KREMEN1: variants seen among roughly 807,000 people sequenced by gnomAD.
The protein encoded by KREMEN1 is kremen protein 1.
Under a neutral mutation model 46.5 loss-of-function variants are expected in KREMEN1, and 30 were observed. That is an observed-to-expected ratio of 0.65 (90% confidence interval 0.48 to 0.88). KREMEN1 has a LOEUF of 0.88. KREMEN1 is among the 40% of genes least tolerant of loss of function. KREMEN1 has a pLI of 0.00. For missense variants in KREMEN1, 533 were observed against 596.9 expected (o/e 0.89, Z 1.11); for synonymous variants, 214 against 230.6 (o/e 0.93, Z 0.65).
intron 5 of KREMEN1, among the ~76,000 whole-genome samples, chr22:29,128,546 G>A (rs33958791): frequency 0.16 from 24,919 of 152,118 alleles, 2,212 homozygotes; most frequent in Non-Finnish European, 0.18. Context: ...AATTGTAAAT[G>A]CAGCACTATG....
At chr22:29,087,605 G>T (rs375886397) in intron 1 of KREMEN1, among the ~76,000 whole-genome samples, 7 of 148,850 alleles carry the variant, frequency 4.7e-5, no homozygotes, top group East Asian at 2.0e-4. Context: ...ACTCTTTGTT[G>T]CCCAGGCCAG....
At chr22:29,089,375 G>A (rs557721680) in intron 1 of KREMEN1, among the ~76,000 whole-genome samples, 2 of 152,228 alleles carry the variant, frequency 1.3e-5, no homozygotes, top group East Asian at 3.9e-4. Context: ...CTCAGACCCT[G>A]TATCCAAACC....
exon 10 of KREMEN1, chr22:29,167,289 G>A: frequency 1.7e-6 from 1 of 578,088 alleles, no homozygotes; most frequent in Non-Finnish European, 3.1e-6. Flanking sequence ...AGCCCAGGAG[G>A]TCGAGGCTGC....
intron 3 of KREMEN1, among the ~76,000 whole-genome samples, chr22:29,112,917 AGACTT>A (rs1348503140): frequency 6.8e-6 from 1 of 147,270 alleles, no homozygotes; most frequent in Non-Finnish European, 1.5e-5. Flanking sequence ...TTCTCCGACT[AGACTT>A]CGAGCCACAC....
chr22:29,078,104 C>T (rs2145732474), intron 1 of KREMEN1, among the ~76,000 whole-genome samples: 1 of 152,034 alleles, frequency 6.6e-6, no homozygotes, highest in South Asian at 2.1e-4. Context: ...CCTGTCTCTA[C>T]AAAAAATAAA....
In KREMEN1 at chr22:29,144,033, A is replaced by C; in HGVS notation, c.*1921A>C. On this transcript the variant is annotated 3_prime_UTR_variant, in exon 9 of 9. Transcript: ENST00000400335. Reference sequence around the variant, plus strand: ...AATTTAAAAGTCCTTGCCATCTGGAATCAGGCTTTGTCAACAGCAGCTGAG... The same window carrying C: ...AATTTAAAAGTCCTTGCCATCTGGACTCAGGCTTTGTCAACAGCAGCTGAG... 1 of 985,580 alleles carries C rather than the reference A, an allele frequency of 1.0e-6. No individual in the cohort carries two copies. 61.1% of individuals were successfully genotyped at this position (985,580 alleles called of 1,614,324 possible).
intron 1 of KREMEN1, among the ~76,000 whole-genome samples, chr22:29,075,005 G>A (rs976802607): frequency 1.4e-4 from 21 of 152,092 alleles, no homozygotes; most frequent in Non-Finnish European, 4.4e-5. Flanking sequence ...AAGAGCTTTC[G>A]GTCTGATTCA....
chr22:29,139,753 C>T (rs2038731801), intron 7 of KREMEN1, among the ~76,000 whole-genome samples: 1 of 152,172 alleles, frequency 6.6e-6, no homozygotes, highest in Admixed American at 6.5e-5. Context: ...GCTGGTAGAA[C>T]TGGAAAGTAT....
chr22:29,086,519 G>A (rs1162015354), intron 1 of KREMEN1, among the ~76,000 whole-genome samples: 1 of 152,188 alleles, frequency 6.6e-6, no homozygotes, highest in Admixed American at 6.5e-5. Flanking sequence ...CAGTGGTGTT[G>A]GGTTGGAAAA....
At chr22:29,152,880 T>C (rs941889514) in intron 9 of KREMEN1, among the ~76,000 whole-genome samples, 1 of 152,216 alleles carries the variant, frequency 6.6e-6, no homozygotes, top group African/African-American at 2.4e-5. Context: ...AAAGCAAGTC[T>C]ATTAAGAAAG....
intron 2 of KREMEN1, 45 bp downstream of exon 2, chr22:29,094,465 T>C (rs2037849415): frequency 6.5e-7 from 1 of 1,531,188 alleles, no homozygotes; most frequent in Non-Finnish European, 8.9e-7. Flanking sequence ...GATATATATC[T>C]AGTCTCTTCT....
chr22:29,148,837 C>A (rs2038893382), downstream of KREMEN1, among the ~76,000 whole-genome samples: 1 of 152,092 alleles, frequency 6.6e-6, no homozygotes, highest in South Asian at 2.1e-4. Context: ...ACAGCTTGGC[C>A]AGGTGAAATC....
rs2038848694 is a variant in KREMEN1 at position 29,145,744 on chromosome 22, G to A, written c.*3632G>A. On this transcript the variant is annotated 3_prime_UTR_variant, in exon 9 of 9. Coordinates refer to ENST00000400335, the MANE Select transcript of KREMEN1 (RefSeq NM_001039570.3). ...GTCAGGACAGGCTTGAGGCCTCTCT[G>A]GGCGTGAGCGAGGAAACCAGGCTGC... 3.0e-6 allele frequency: 3 copies of A among 985,422 alleles called. No homozygotes were observed. The highest frequency in any genetic ancestry group is 3.6e-6 in the Non-Finnish European group (3 of 829,986). 61.0% of individuals were successfully genotyped at this position (985,422 alleles called of 1,614,324 possible).
In KREMEN1 at chr22:29,073,121, C is replaced by T. The variant is rs1451537910; in HGVS notation, c.-10C>T. The T allele has an allele frequency of 9.7e-7, 1 of 1,029,250 alleles. No individual in the cohort carries two copies. Among genetic ancestry groups the T allele is most frequent in the Non-Finnish European group, 1.2e-6 (1 of 856,874 alleles). 63.8% of individuals were successfully genotyped at this position (1,029,250 alleles called of 1,614,324 possible). A position where few individuals can be genotyped will look rare whatever the true frequency, so the allele number is the denominator to read the frequency against. ...CCGGGCCGCGCCCCGGGGCCCCGCA[C>T]TGACGGCCCATGGCGCCGCCAGCCG... On this transcript the variant is annotated 5_prime_UTR_variant, in exon 1 of 9. Transcript: ENST00000400335. The surrounding 1 kb of genome is among the most constrained non-coding windows in gnomAD (Gnocchi z 4.4).
At chr22:29,131,756 GTATATATATATGTATATATA>G (rs2038560660) in intron 5 of KREMEN1, among the ~76,000 whole-genome samples, 2 of 131,292 alleles carry the variant, frequency 1.5e-5, no homozygotes, top group African/African-American at 3.1e-5. Context: ...ATGTATATAT[GTATATATATATGTATATATA>G]TATATAGTTT....
rs757200121 is a variant in KREMEN1, at chr22:29,137,575, C to T, written c.865C>T (p.Arg289Cys). The change falls in exon 6 of 9, where the codon CGC (arginine) becomes TGC (cysteine). Residue 289 changes from arginine to cysteine, a missense_variant. By Grantham distance (180) the Arg-to-Cys change is radical. Transcript: ENST00000400335. ...CCTAGCCCGCTTCCACGGGAGGAGC[C>T]GCCCACCTCTGTCCTTCAACGTCTC... ...RVLARFHGRS[R>C]PPLSFNVSLD... is the part of the protein sequence containing the mutation. The T allele has an allele frequency of 3.7e-6, 6 of 1,613,682 alleles. No homozygotes were observed. Among genetic ancestry groups the T allele is most frequent in the South Asian group, 2.2e-5 (2 of 91,068 alleles).
chr22:29,142,286 G>A lies in KREMEN1; in HGVS notation c.*174G>A. 1 of 1,323,342 alleles carries A rather than the reference G, an allele frequency of 7.6e-7. No individual in the cohort carries two copies. The highest frequency in any genetic ancestry group is 9.6e-7 in the Non-Finnish European group (1 of 1,041,504). 82.0% of individuals were successfully genotyped at this position (1,323,342 alleles called of 1,614,324 possible). On this transcript the variant is annotated 3_prime_UTR_variant, in exon 9 of 9. Coordinates refer to ENST00000400335, the MANE Select transcript of KREMEN1 (RefSeq NM_001039570.3). ...AAGAGGCACCCTGCTGCCAGGGCAGGCAGAGCCTGGATTCCTCCTGCTTCA... is the reference window on the plus strand; with the variant it reads ...AAGAGGCACCCTGCTGCCAGGGCAGACAGAGCCTGGATTCCTCCTGCTTCA...
chr22:29,137,906 G>A (rs925164972), intron 6 of KREMEN1, among the ~76,000 whole-genome samples: 2 of 152,162 alleles, frequency 1.3e-5, no homozygotes, highest in African/African-American at 4.8e-5. Flanking sequence ...GGCTATTTTA[G>A]TAGGTCTAAT....
At chr22:29,125,476 A>C (rs2038427299) in intron 5 of KREMEN1, 60 bp downstream of exon 5, 1 of 1,556,744 alleles carries the variant, frequency 6.4e-7, no homozygotes, top group Non-Finnish European at 8.8e-7. Context: ...CCAGAGCAAC[A>C]AGCCTGCCCA....
Sources: allele counts gnomAD v4.1 joint callset (sites outside exome capture counted in the v4.1 genomes callset), GRCh38; gene constraint gnomAD v4.1.1; non-coding constraint Gnocchi (gnomAD v3.1); transcripts MANE v1.5; gene names NCBI Gene and HGNC (gene_info 2026-07-23, HGNC 2026-07-21).